Variants in GPHN observed in about 807,000 individuals in gnomAD.
GPHN encodes the protein gephyrin.
Under a neutral mutation model 95.5 loss-of-function variants are expected in GPHN, and 17 were observed. That is an observed-to-expected ratio of 0.18 (90% CI 0.12 to 0.27). The LOEUF is 0.27. GPHN is among the 10% of genes least tolerant of loss of function. The pLI is 1.00. For synonymous variants in GPHN, 320 were observed against 322.5 expected, an observed-to-expected ratio of 0.99 and a Z score of 0.08; for missense variants, 660 against 978.1, an observed-to-expected ratio of 0.67 and a Z score of 4.34.
chr14:67,418,935 GA>G, the GPHN span, among the ~76,000 whole-genome samples: 1 of 152,206 alleles, frequency 6.6e-6, no homozygotes, highest in African/African-American at 2.4e-5. Flanking sequence ...CTTTGCTGGG[GA>G]TGAGAGCCCA....
the GPHN span, chr14:67,579,012 G>T: frequency 1.4e-6 from 1 of 691,998 alleles, no homozygotes; most frequent in Non-Finnish European, 2.5e-6. Context: ...AGTCTTCAGG[G>T]CTTTTCTCAC....
the GPHN span, chr14:67,594,007 C>A: frequency 8.3e-7 from 1 of 1,201,548 alleles, no homozygotes; most frequent in Admixed American, 1.9e-5. Context: ...CCAGTCAACT[C>A]CAGGCAATGA....
At chr14:67,041,174 T>TG (rs2074680090) in intron 10 of GPHN, among the ~76,000 whole-genome samples, 1 of 152,232 alleles carries the variant, frequency 6.6e-6, no homozygotes, top group Non-Finnish European at 1.5e-5. Flanking sequence ...AGCTCTACTT[T>TG]GGGCCTTATT....
At chr14:67,631,430 C>CTTT in the GPHN span, among the ~76,000 whole-genome samples, 696 of 128,314 alleles carry the variant, frequency 5.4e-3, 39 homozygotes, top group East Asian at 0.048. Context: ...TCCTTTCTTT[C>CTTT]TTTCTTTTTT....
intron 19 of GPHN, among the ~76,000 whole-genome samples, chr14:67,161,530 G>A (rs1403079444): frequency 6.6e-6 from 1 of 152,120 alleles, no homozygotes. Context: ...GGGAGGCCGT[G>A]GGGGTGGTTC....
the GPHN span, among the ~76,000 whole-genome samples, chr14:67,315,375 C>T: frequency 6.8e-6 from 1 of 147,388 alleles, no homozygotes; most frequent in African/African-American, 2.5e-5. Context: ...CTCCCGGGCT[C>T]ATGCCCTTCT....
chr14:67,726,917 C>T, the GPHN span: 2 of 1,464,128 alleles, frequency 1.4e-6, no homozygotes, highest in Non-Finnish European at 1.9e-6. Flanking sequence ...GTCCTCTTGG[C>T]TCCCACATGC....
intron 2 of GPHN, among the ~76,000 whole-genome samples, chr14:66,691,427 C>T (rs2067773254): frequency 6.6e-6 from 1 of 152,022 alleles, no homozygotes; most frequent in South Asian, 2.1e-4. Context: ...CTGTGATTCA[C>T]CTGCCTTGGC....
chr14:66,762,676 C>T (rs547117368), intron 2 of GPHN, among the ~76,000 whole-genome samples: 3 of 151,810 alleles, frequency 2.0e-5, no homozygotes, highest in Non-Finnish European at 4.4e-5. Flanking sequence ...AGTGCTGAAA[C>T]AGTATATGTA....
intron 16 of GPHN, among the ~76,000 whole-genome samples, chr14:67,120,109 G>A (rs1480756853): frequency 7.2e-6 from 1 of 137,940 alleles, no homozygotes; most frequent in Non-Finnish European, 1.5e-5. Context: ...CTGTGCAACA[G>A]AATAAGACTC....
intron 1 of GPHN, among the ~76,000 whole-genome samples, chr14:66,593,949 A>T (rs1180072279): frequency 6.6e-6 from 1 of 152,214 alleles, no homozygotes; most frequent in Non-Finnish European, 1.5e-5. Context: ...AAACCTGTTA[A>T]AATTGATTAA....
At chr14:66,613,999 C>A (rs898577932) in intron 1 of GPHN, among the ~76,000 whole-genome samples, 1 of 151,998 alleles carries the variant, frequency 6.6e-6, no homozygotes, top group South Asian at 2.1e-4. Context: ...TTATCTCTCC[C>A]GGCTGGAAAT....
chr14:67,350,258 A>C, the GPHN span, among the ~76,000 whole-genome samples: 1 of 152,228 alleles, frequency 6.6e-6, no homozygotes, highest in Non-Finnish European at 1.5e-5. Flanking sequence ...CACTTTCCCT[A>C]ATATTCCAAA....
chr14:67,552,723 C>T, the GPHN span, among the ~76,000 whole-genome samples: 2 of 151,150 alleles, frequency 1.3e-5, no homozygotes, highest in South Asian at 4.2e-4. Context: ...GCCGAGATCG[C>T]ACCACTGCAC....
the GPHN span, among the ~76,000 whole-genome samples, chr14:67,346,719 T>A: frequency 6.6e-6 from 1 of 152,194 alleles, no homozygotes; most frequent in African/African-American, 2.4e-5. Flanking sequence ...AAAGTGGAAG[T>A]GGGCTATAAA....
chr14:66,956,063 G>A (rs1344383637), intron 8 of GPHN, among the ~76,000 whole-genome samples: 1 of 152,000 alleles, frequency 6.6e-6, no homozygotes, highest in African/African-American at 2.4e-5. Context: ...TTCTTTCAAT[G>A]TTTTTGTGTT....
the GPHN span, among the ~76,000 whole-genome samples, chr14:67,492,727 C>T: frequency 2.6e-5 from 4 of 152,216 alleles, no homozygotes; most frequent in African/African-American, 4.8e-5. Flanking sequence ...TTCTAAACAA[C>T]AAGGGAACTT....
intron 1 of GPHN, among the ~76,000 whole-genome samples, chr14:66,632,842 A>G (rs750901384): frequency 5.3e-5 from 8 of 151,842 alleles, no homozygotes; most frequent in Non-Finnish European, 1.0e-4. Context: ...CTAACATTCC[A>G]CGTTTGTTAT....
chr14:66,620,222 G>A (rs8016353), intron 1 of GPHN, among the ~76,000 whole-genome samples: 38,361 of 152,016 alleles, frequency 0.25, 9,771 homozygotes, highest in African/African-American at 0.62. Flanking sequence ...TATTGCTATG[G>A]CTGCATAAAG....
Sources: allele counts gnomAD v4.1 joint callset (sites outside exome capture counted in the v4.1 genomes callset), GRCh38; gene constraint gnomAD v4.1.1; transcripts MANE v1.5; gene names NCBI Gene and HGNC (gene_info 2026-07-23, HGNC 2026-07-21).